Variants in SBF2 observed in about 807,000 individuals in gnomAD.
The protein encoded by SBF2 is myotubularin-related protein 13.
Under a neutral mutation model 225.2 loss-of-function variants are expected in SBF2, and 112 were observed. The observed-to-expected ratio is 0.50, with a 90% CI of 0.43 to 0.58. SBF2 has a LOEUF of 0.58. Among genes scored for constraint, SBF2 ranks in the 20% least tolerant of loss-of-function variants. The pLI is 0.00. For synonymous variants in SBF2, 763 were observed against 773.3 expected (o/e 0.99, Z 0.22); for missense variants, 1,996 against 2,206.2 (o/e 0.90, Z 1.91).
chr11:9,820,303 A>T (rs1361818468), intron 28 of SBF2, among the ~76,000 whole-genome samples: 1 of 152,220 alleles, frequency 6.6e-6, no homozygotes, highest in Non-Finnish European at 1.5e-5. Flanking sequence ...CAGAAAATGA[A>T]GGGCACTGAT....
At chr11:10,021,859 T>C (rs1182911076) in intron 6 of SBF2, among the ~76,000 whole-genome samples, 1 of 152,186 alleles carries the variant, frequency 6.6e-6, no homozygotes, top group Non-Finnish European at 1.5e-5. Flanking sequence ...TATAGAATTA[T>C]CACCACCATG....
intron 2 of SBF2, among the ~76,000 whole-genome samples, chr11:10,115,575 C>T (rs1337032571): frequency 2.0e-5 from 3 of 152,134 alleles, no homozygotes; most frequent in African/African-American, 7.2e-5. Context: ...ACATTGGTAA[C>T]TATTCTTCCT....
chr11:10,219,764 A>T (rs1010149962), intron 1 of SBF2, among the ~76,000 whole-genome samples: 3 of 152,196 alleles, frequency 2.0e-5, no homozygotes, highest in Non-Finnish European at 4.4e-5. Context: ...TTGCATAGCA[A>T]GAGTGACCTT....
intron 16 of SBF2, among the ~76,000 whole-genome samples, chr11:9,913,810 AC>A (rs1220718410): frequency 6.6e-6 from 1 of 152,186 alleles, no homozygotes; most frequent in Non-Finnish European, 1.5e-5. Context: ...CTTCCCTGAC[AC>A]TTTACCACAA....
chr11:9,799,732 G>A (rs1157422119), intron 32 of SBF2, among the ~76,000 whole-genome samples: 1 of 152,100 alleles, frequency 6.6e-6, no homozygotes, highest in Non-Finnish European at 1.5e-5. Context: ...AGATTTCTAG[G>A]AAGCAAGAAA....
intron 2 of SBF2, among the ~76,000 whole-genome samples, chr11:10,072,906 A>C (rs1028948471): frequency 1.3e-5 from 2 of 151,284 alleles, no homozygotes; most frequent in Non-Finnish European, 2.9e-5. Context: ...TATTATTATT[A>C]TTATTATCAT....
At chr11:9,798,838 G>A (rs1304287693) in intron 32 of SBF2, among the ~76,000 whole-genome samples, 2 of 151,622 alleles carry the variant, frequency 1.3e-5, no homozygotes, top group Non-Finnish European at 2.9e-5. Flanking sequence ...TGTAGTCCCA[G>A]CTACTCGGGA....
intron 1 of SBF2, among the ~76,000 whole-genome samples, chr11:10,242,122 C>T (rs1959263802): frequency 6.6e-6 from 1 of 151,842 alleles, no homozygotes; most frequent in Non-Finnish European, 1.5e-5. Context: ...TGTCCAAGGA[C>T]TGGTCCTAGC....
chr11:10,139,924 T>G (rs1203855406), intron 2 of SBF2, among the ~76,000 whole-genome samples: 4 of 152,210 alleles, frequency 2.6e-5, no homozygotes, highest in Non-Finnish European at 5.9e-5. Context: ...TCAACTATGA[T>G]GCAGATGCTA....
chr11:9,935,061 C>T lies in SBF2; in HGVS notation c.1860+26896G>A, dbSNP rs567390735. 3.9e-5 allele frequency among the ~76,000 whole-genome samples: 6 copies of T among 152,274 alleles called. No homozygotes were observed. The South Asian group carries it at 8.3e-4, about 21-fold the overall frequency. On this transcript the variant is annotated intron_variant, in intron 16 of 39. Coordinates refer to ENST00000256190, the MANE Select transcript of SBF2 (RefSeq NM_030962.4). Reference sequence around the variant, plus strand: ...TGATTGTATATTTAGAAAACCCCATCGTCTCAGCCCAAAATCTCCTTAAGC... The same window carrying T: ...TGATTGTATATTTAGAAAACCCCATTGTCTCAGCCCAAAATCTCCTTAAGC...
intron 6 of SBF2, among the ~76,000 whole-genome samples, chr11:10,026,423 C>T (rs1240235921): frequency 1.3e-5 from 2 of 152,078 alleles, no homozygotes; most frequent in Non-Finnish European, 2.9e-5. Flanking sequence ...TGCAGGTAGT[C>T]CATGAATCTA....
rs772298440 is a variant in SBF2, at chr11:9,785,107, C to A, written c.5231+18G>T. 1 of 1,611,642 alleles carries A rather than the reference C, an allele frequency of 6.2e-7. No homozygotes were observed. Among genetic ancestry groups the A allele is most frequent in the Non-Finnish European group, 8.5e-7 (1 of 1,179,534 alleles). ...GTGGGGAAGTCTTCAGCACAGCGAG[C>A]AGGGTTCAGCATGTCACCTGTTTTC... On this transcript the variant is annotated intron_variant, in intron 37 of 39. Coordinates refer to ENST00000256190, the MANE Select transcript of SBF2 (RefSeq NM_030962.4).
chr11:9,785,949 C>G (rs1852346417), intron 36 of SBF2, among the ~76,000 whole-genome samples: 1 of 152,128 alleles, frequency 6.6e-6, no homozygotes, highest in Non-Finnish European at 1.5e-5. Flanking sequence ...TTACTGCAAC[C>G]TCTGCCTGCT....
At chr11:10,274,638 C>G (rs1962807671) in intron 1 of SBF2, among the ~76,000 whole-genome samples, 1 of 151,430 alleles carries the variant, frequency 6.6e-6, no homozygotes, top group Admixed American at 6.6e-5. Flanking sequence ...GTAATCCCAG[C>G]TACTCAGGAG....
chr11:10,218,228 C>G (rs1031902751), intron 1 of SBF2, among the ~76,000 whole-genome samples: 1 of 151,896 alleles, frequency 6.6e-6, no homozygotes, highest in Non-Finnish European at 1.5e-5. Flanking sequence ...TGACAGCAGG[C>G]AAGTGAGTGT....
intron 17 of SBF2, among the ~76,000 whole-genome samples, chr11:9,885,102 T>A (rs183662613): frequency 0.021 from 3,216 of 151,476 alleles, 58 homozygotes; most frequent in Non-Finnish European, 0.031. Flanking sequence ...AATACAAAAA[T>A]TAGCTGAGCG....
chr11:10,196,866 A>ATATATATATTTTTTTTTTTTT, intron 1 of SBF2, among the ~76,000 whole-genome samples: 5 of 99,314 alleles, frequency 5.0e-5, no homozygotes, highest in Admixed American at 1.0e-4. Flanking sequence ...ATATATATAT[A>ATATATATATTTTTTTTTTTTT]TTTTTTTTTT....
chr11:9,868,926 T>C (rs1046027047), intron 17 of SBF2, among the ~76,000 whole-genome samples: 3 of 152,212 alleles, frequency 2.0e-5, no homozygotes, highest in Non-Finnish European at 4.4e-5. Flanking sequence ...TTTGTTATGT[T>C]AGAGGATGTT....
At chr11:10,230,875 A>C (rs1268902841) in intron 1 of SBF2, among the ~76,000 whole-genome samples, 1 of 152,148 alleles carries the variant, frequency 6.6e-6, no homozygotes, top group African/African-American at 2.4e-5. Flanking sequence ...AGATTGGGGA[A>C]GTTCTCCTGG....
Sources: allele counts gnomAD v4.1 joint callset (sites outside exome capture counted in the v4.1 genomes callset), GRCh38; gene constraint gnomAD v4.1.1; transcripts MANE v1.5; gene names NCBI Gene and HGNC (gene_info 2026-07-23, HGNC 2026-07-21).